DPYD: variants seen among roughly 807,000 people sequenced by gnomAD.
The protein encoded by DPYD is dihydropyrimidine dehydrogenase [NADP(+)].
A neutral mutation model predicts 116.2 loss-of-function variants in DPYD; 109 were observed. The ratio of observed to expected loss-of-function variants is 0.94; its 90% CI spans 0.80 to 1.10. The LOEUF (loss-of-function observed/expected upper bound fraction) is 1.10, where lower values mean the gene tolerates loss of function less well. Among genes scored for constraint, DPYD ranks in the 50% least tolerant of loss-of-function variants. The probability of loss-of-function intolerance (pLI) is 0.00; values close to 1 mark genes in which losing one functional copy is unlikely to be tolerated. For missense variants in DPYD, 1,302 were observed against 1,254.5 expected, an observed-to-expected ratio of 1.04 and a Z score of -0.57; for synonymous variants, 440 against 432.0, an observed-to-expected ratio of 1.02 and a Z score of -0.23.
chr1:97,427,251 A>T (rs1353702230), intron 14 of DPYD, among the ~76,000 whole-genome samples: 1 of 152,034 alleles, frequency 6.6e-6, no homozygotes, highest in African/African-American at 2.4e-5. Context: ...TCAAAAGGTA[A>T]GTTTTCTGAT....
At chr1:97,427,495 A>G (rs1674937438) in intron 14 of DPYD, among the ~76,000 whole-genome samples, 1 of 152,030 alleles carries the variant, frequency 6.6e-6, no homozygotes, top group Non-Finnish European at 1.5e-5. Flanking sequence ...TATACTAGGT[A>G]CCAAAATAAT....
intron 4 of DPYD, among the ~76,000 whole-genome samples, chr1:97,728,113 T>C (rs955279769): frequency 5.3e-5 from 8 of 151,958 alleles, no homozygotes; most frequent in Admixed American, 2.0e-4. Context: ...TTTTTGTGCA[T>C]AGAGATATTT....
rs1346459499 is a variant in DPYD at position 97,280,469 on chromosome 1, C to T, written c.2299+24790G>A. On this transcript the variant is annotated intron_variant, in intron 18 of 22. Transcript: ENST00000370192. ...CCCATGTTTATTGCAGCACTATTCA[C>T]AACAGCCAAGATATGGAATCAAACT... is the stretch of plus-strand genomic sequence containing the variant. 4.6e-5 allele frequency among the ~76,000 whole-genome samples: 7 copies of T among 152,036 alleles called. No homozygotes were observed. The South Asian group carries it at 1.2e-3, about 27-fold the overall frequency.
chr1:97,362,631 G>C lies in DPYD; in HGVS notation c.2058+10930C>G, dbSNP rs190295130. 3.3e-3 allele frequency among the ~76,000 whole-genome samples: 508 copies of C among 152,136 alleles called. 1 individual carries two copies. The highest frequency in any genetic ancestry group is 5.8e-3 in the Non-Finnish European group (397 of 67,988). On this transcript the variant is annotated intron_variant, in intron 16 of 22. Coordinates refer to ENST00000370192, the MANE Select transcript of DPYD (RefSeq NM_000110.4). ...TATAGACCAACGGAACAGAACAGAG[G>C]CCTCAGAAATAACATCACACATCTA... is the stretch of plus-strand genomic sequence containing the variant.
At chr1:97,136,196 G>C (rs953917286) in intron 20 of DPYD, among the ~76,000 whole-genome samples, 1 of 152,168 alleles carries the variant, frequency 6.6e-6, no homozygotes, top group Non-Finnish European at 1.5e-5. Flanking sequence ...TGGAAATCCA[G>C]CATGATCCTA....
At chr1:97,905,242 A>G (rs1260593217) in intron 1 of DPYD, among the ~76,000 whole-genome samples, 1 of 152,026 alleles carries the variant, frequency 6.6e-6, no homozygotes, top group Non-Finnish European at 1.5e-5. Flanking sequence ...ATTATACAGG[A>G]CTAAAGATGC....
At chr1:97,750,101 T>G (rs1664789273) in intron 3 of DPYD, among the ~76,000 whole-genome samples, 1 of 152,100 alleles carries the variant, frequency 6.6e-6, no homozygotes, top group African/African-American at 2.4e-5. Flanking sequence ...TAGAAAACTT[T>G]AAAAAACTAA....
chr1:97,566,687 A>T (rs970478560), intron 11 of DPYD, among the ~76,000 whole-genome samples: 2 of 152,090 alleles, frequency 1.3e-5, no homozygotes, highest in Non-Finnish European at 2.9e-5. Flanking sequence ...TTAGTATTCA[A>T]TTTTTCCCCC....
chr1:97,552,924 C>T (rs965968547), intron 11 of DPYD, among the ~76,000 whole-genome samples: 1 of 151,894 alleles, frequency 6.6e-6, no homozygotes, highest in Non-Finnish European at 1.5e-5. Context: ...AGGTTACTAA[C>T]ATCAATCAAA....
chr1:97,637,710 C>T (rs1657652678), intron 8 of DPYD, among the ~76,000 whole-genome samples: 1 of 152,046 alleles, frequency 6.6e-6, no homozygotes, highest in Admixed American at 6.6e-5. Flanking sequence ...GTGTGATAGC[C>T]AACGAATATT....
At chr1:97,736,871 T>TGTGG in intron 4 of DPYD, among the ~76,000 whole-genome samples, 1 of 151,674 alleles carries the variant, frequency 6.6e-6, no homozygotes, top group Middle Eastern at 3.4e-3. Flanking sequence ...TGTGTGTGTG[T>TGTGG]GTGTGTGTGT....
intron 16 of DPYD, among the ~76,000 whole-genome samples, chr1:97,329,385 C>T (rs961911814): frequency 4.6e-5 from 7 of 152,002 alleles, no homozygotes; most frequent in Non-Finnish European, 8.8e-5. Flanking sequence ...TCTTTATTTT[C>T]AGTATTTAAT....
chr1:97,447,287 G>GA lies in DPYD; in HGVS notation c.1905+2771dup, dbSNP rs1676141640. On this transcript the variant is annotated intron_variant, in intron 14 of 22. Coordinates refer to ENST00000370192, the MANE Select transcript of DPYD (RefSeq NM_000110.4). ...GCAGCCATGCACTCGAGAATGATGTGAAAAAACTCCAGCAAGAGTGATAAT... is the reference window on the plus strand; with the variant it reads ...GCAGCCATGCACTCGAGAATGATGTGAAAAAAACTCCAGCAAGAGTGATAAT... Among the ~76,000 whole-genome samples, 4 of 152,194 alleles carry GA rather than the reference G, an allele frequency of 2.6e-5. No individual in the cohort carries two copies. In the East Asian group the frequency reaches 5.8e-4, roughly 22 times the overall value.
intron 20 of DPYD, among the ~76,000 whole-genome samples, chr1:97,099,558 T>C (rs1304511672): frequency 6.6e-6 from 1 of 152,150 alleles, no homozygotes; most frequent in African/African-American, 2.4e-5. Flanking sequence ...TAGACATCAC[T>C]GAATTCCAAA....
At position 97,212,407 on chromosome 1, in the gene DPYD, T is replaced by A. The variant is rs565711076; in HGVS notation, c.2443-19159A>T. On this transcript the variant is annotated intron_variant, in intron 19 of 22. Coordinates refer to ENST00000370192, the MANE Select transcript of DPYD (RefSeq NM_000110.4). ...GTGCTATTATGGTGTCAGTCTATTT[T>A]ATTGCTGAATAATATCTCATTGTAT... is the stretch of plus-strand genomic sequence containing the variant. 3.9e-5 allele frequency among the ~76,000 whole-genome samples: 6 copies of A among 152,286 alleles called. No homozygotes were observed. In the South Asian group the frequency reaches 1.2e-3, roughly 32 times the overall value.
chr1:97,879,649 A>G (rs1461413600), intron 2 of DPYD, among the ~76,000 whole-genome samples: 1 of 151,980 alleles, frequency 6.6e-6, no homozygotes, highest in Non-Finnish European at 1.5e-5. Flanking sequence ...CTAGAAGAAT[A>G]TTAAACTACC....
intron 20 of DPYD, among the ~76,000 whole-genome samples, chr1:97,183,927 C>T (rs1296505227): frequency 6.6e-6 from 1 of 152,034 alleles, no homozygotes; most frequent in Non-Finnish European, 1.5e-5. Context: ...CACCTTCCAT[C>T]CTCAAGTAGG....
intron 2 of DPYD, among the ~76,000 whole-genome samples, chr1:97,844,742 G>C (rs1398657861): frequency 1.3e-5 from 2 of 152,154 alleles, no homozygotes; most frequent in Non-Finnish European, 2.9e-5. Context: ...TTGCCCTCTT[G>C]GGTGCGGCTG....
chr1:97,332,917 C>T (rs1000851635), intron 16 of DPYD, among the ~76,000 whole-genome samples: 6 of 152,086 alleles, frequency 3.9e-5, no homozygotes, highest in Admixed American at 3.9e-4. Flanking sequence ...ATGTGAATGA[C>T]TCACATGGCT....
Sources: gnomAD v4.1 joint callset for allele counts (sites outside exome capture counted in the v4.1 genomes callset) on GRCh38, gnomAD v4.1.1 for gene constraint, MANE v1.5 for transcripts, NCBI Gene and HGNC (gene_info 2026-07-23, HGNC 2026-07-21) for gene names.